Variants in KLHL5 observed in about 807,000 individuals in gnomAD.
The protein encoded by KLHL5 is kelch-like protein 5.
A neutral mutation model predicts 77.7 loss-of-function variants in KLHL5; 48 were observed. The ratio of observed to expected loss-of-function variants is 0.62; its 90% CI spans 0.49 to 0.79. The LOEUF is 0.79. Ranked by LOEUF, KLHL5 falls within the 30% of genes least tolerant of loss-of-function variation. KLHL5 has a pLI of 0.00. For missense variants in KLHL5, 723 were observed against 859.7 expected (o/e 0.84, Z 1.99); for synonymous variants, 260 against 297.0 (o/e 0.88, Z 1.28).
chr4:39,089,869 A>AC lies in KLHL5; in HGVS notation c.1113+3144dup, dbSNP rs537367130. On this transcript the variant is annotated intron_variant, in intron 5 of 10. Transcript: ENST00000504108. Reference sequence around the variant, plus strand: ...TCCTCAAGTTTGAGAACCATTATCCACCACAAGTAGTGGTGATGGAAGCCA... The same window carrying AC: ...TCCTCAAGTTTGAGAACCATTATCCACCCACAAGTAGTGGTGATGGAAGCCA... Among the ~76,000 whole-genome samples, 143 of 152,304 alleles carry AC rather than the reference A, an allele frequency of 9.4e-4. 2 individuals carry two copies. The East Asian group carries it at 0.024, about 26-fold the overall frequency.
At chr4:39,131,578 G>C (rs986653813), downstream of KLHL5, among the ~76,000 whole-genome samples, 9 of 152,050 alleles carry the variant, frequency 5.9e-5, no homozygotes, top group African/African-American at 1.9e-4. Context: ...AAATTTTCAG[G>C]ATTAAGAGGA....
In KLHL5 at chr4:39,096,775, T is replaced by G. The variant is rs1451394273; in HGVS notation, c.1197T>G (p.His399Gln). Residue 399 changes from histidine to glutamine, a missense_variant, in exon 6 of 11, where the codon CAT (histidine) becomes CAG (glutamine). By Grantham distance (24) the His-to-Gln change is conservative (BLOSUM62 0). Coordinates refer to ENST00000504108, the MANE Select transcript of KLHL5 (RefSeq NM_015990.5). Reference sequence around the variant, plus strand: ...TCATTATGGAAGCAATGAAGTACCATTTATTACCAGAGAGACGACCCATGT... The same window carrying G: ...TCATTATGGAAGCAATGAAGTACCAGTTATTACCAGAGAGACGACCCATGT... ...QKLIMEAMKY[H>Q]LLPERRPMLQ... is the part of the protein sequence containing the mutation. 5.0e-6 allele frequency: 8 copies of G among 1,613,078 alleles called. No homozygotes were observed.
chr4:39,114,291 AAG>A (rs1722675743), intron 9 of KLHL5, among the ~76,000 whole-genome samples: 1 of 152,184 alleles, frequency 6.6e-6, no homozygotes, highest in African/African-American at 2.4e-5. Context: ...TTGGAAGGGA[AAG>A]TCGGCATTCA....
At chr4:39,050,126 C>T (rs1716526528) in intron 1 of KLHL5, among the ~76,000 whole-genome samples, 1 of 151,894 alleles carries the variant, frequency 6.6e-6, no homozygotes, top group Non-Finnish European at 1.5e-5. Flanking sequence ...TAGAAAATAG[C>T]TATACTTGAG....
Position 39,062,783 on chromosome 4 carries a change from A to C in KLHL5, c.131A>C (p.Gln44Pro). The C allele has an allele frequency of 6.2e-7, 1 of 1,614,190 alleles. No individual in the cohort carries two copies. The highest frequency in any genetic ancestry group is 2.2e-5 in the East Asian group (1 of 44,874). Reference protein sequence around the residue: ...SQQGEFWNRGQTGANGGRKFL... With the variant: ...SQQGEFWNRGPTGANGGRKFL... ...CAGGGAGAATTTTGGAACCGAGGACAGACTGGAGCAAACGGTGGGAGAAAG... is the reference window on the plus strand; with the variant it reads ...CAGGGAGAATTTTGGAACCGAGGACCGACTGGAGCAAACGGTGGGAGAAAG... Residue 44 changes from glutamine (Q) to proline (P), a missense_variant, in exon 1 of 11, where the codon CAG (glutamine) becomes CCG (proline). Gln to Pro is a moderately conservative substitution (Grantham distance 76). Coordinates refer to ENST00000504108, the MANE Select transcript of KLHL5 (RefSeq NM_015990.5).
At chr4:39,072,452 T>C (rs901144119) in intron 1 of KLHL5, among the ~76,000 whole-genome samples, 4 of 152,190 alleles carry the variant, frequency 2.6e-5, no homozygotes, top group Admixed American at 6.5e-5. Flanking sequence ...CCGAGGTCTA[T>C]AGGACTCTAG....
intron 10 of KLHL5, among the ~76,000 whole-genome samples, chr4:39,118,539 T>C: frequency 6.6e-6 from 1 of 152,186 alleles, no homozygotes; most frequent in Non-Finnish European, 1.5e-5. Flanking sequence ...GTGGGTCACC[T>C]GAGGTCAGGA....
chr4:39,142,203 G>A, the KLHL5 span, among the ~76,000 whole-genome samples: 4 of 152,172 alleles, frequency 2.6e-5, no homozygotes, highest in African/African-American at 4.8e-5. Context: ...GAAAATAATT[G>A]TATTTCCCTT....
At chr4:39,050,756 G>A (rs1351872023) in intron 1 of KLHL5, among the ~76,000 whole-genome samples, 3 of 152,112 alleles carry the variant, frequency 2.0e-5, no homozygotes, top group South Asian at 2.1e-4. Context: ...CAAAGAAACC[G>A]AGGTGCCATG....
intron 1 of KLHL5, among the ~76,000 whole-genome samples, chr4:39,046,486 C>T (rs894587848): frequency 1.3e-5 from 2 of 152,170 alleles, no homozygotes; most frequent in South Asian, 2.1e-4. Flanking sequence ...CGGTGACTAA[C>T]GCTTGTGATT....
chr4:39,106,110 C>T (rs1025447088), intron 7 of KLHL5, among the ~76,000 whole-genome samples: 3 of 152,106 alleles, frequency 2.0e-5, no homozygotes, highest in African/African-American at 7.2e-5. Flanking sequence ...TCTGACTGTC[C>T]TGCATGATCT....
chr4:39,075,346 AAAAG>A (rs1194301008), intron 1 of KLHL5, among the ~76,000 whole-genome samples: 3 of 152,036 alleles, frequency 2.0e-5, no homozygotes, highest in Non-Finnish European at 2.9e-5. Flanking sequence ...AAAAAAAAAA[AAAAG>A]AAAGAAATCA....
upstream of KLHL5, chr4:39,045,019 G>T: frequency 1.0e-6 from 1 of 993,390 alleles, no homozygotes; most frequent in South Asian, 4.4e-5. Context: ...CGCCGGCCCC[G>T]GCCCCCGCCT....
intron 10 of KLHL5, among the ~76,000 whole-genome samples, chr4:39,119,410 G>T (rs546228139): frequency 6.6e-6 from 1 of 152,180 alleles, no homozygotes; most frequent in South Asian, 2.1e-4. Context: ...ACATGGTAAA[G>T]CCCTGTCTCT....
chr4:39,067,869 G>A (rs1190622858), intron 1 of KLHL5, among the ~76,000 whole-genome samples: 1 of 151,950 alleles, frequency 6.6e-6, no homozygotes, highest in Non-Finnish European at 1.5e-5. Flanking sequence ...TTTTAGTAGA[G>A]ATGGGGTTTC....
the KLHL5 span, among the ~76,000 whole-genome samples, chr4:39,140,590 T>TTGA: frequency 1.4e-4 from 22 of 152,360 alleles, no homozygotes; most frequent in Non-Finnish European, 2.6e-4. Context: ...ATTTTCAGGC[T>TTGA]TGATACATGT....
At position 39,121,846 on chromosome 4, in the gene KLHL5, T is replaced by G. The variant is rs993274049; in HGVS notation, c.*780T>G. The stretch of plus-strand genomic sequence containing the variant: ...GTTATATACCCTATAATCTTTCACC[T>G]AATTAGTATTTAATTATATGGATTT... On this transcript the variant is annotated 3_prime_UTR_variant, in exon 11 of 11. Coordinates refer to ENST00000504108, the MANE Select transcript of KLHL5 (RefSeq NM_015990.5). 1.3e-5 allele frequency: 2 copies of G among 152,648 alleles called. No homozygotes were observed. Among genetic ancestry groups the G allele is most frequent in the African/African-American group, 4.8e-5 (2 of 41,474 alleles). 9.5% of individuals were successfully genotyped at this position (152,648 alleles called of 1,614,324 possible). A position where few individuals can be genotyped will look rare whatever the true frequency, so the allele number is the denominator to read the frequency against.
chr4:39,102,063 A>C (rs1428969838), intron 6 of KLHL5, among the ~76,000 whole-genome samples: 1 of 150,814 alleles, frequency 6.6e-6, no homozygotes, highest in East Asian at 1.9e-4. Flanking sequence ...ATAAAAAATA[A>C]TAAAAACTAT....
chr4:39,084,730 A>G (rs2109396793), intron 4 of KLHL5, among the ~76,000 whole-genome samples: 1 of 152,360 alleles, frequency 6.6e-6, no homozygotes, highest in East Asian at 1.9e-4. Context: ...AATTAATGCC[A>G]TTTGAAAGTA....
Sources: gnomAD v4.1 joint callset for allele counts (sites outside exome capture counted in the v4.1 genomes callset) on GRCh38, gnomAD v4.1.1 for gene constraint, MANE v1.5 for transcripts, NCBI Gene and HGNC (gene_info 2026-07-23, HGNC 2026-07-21) for gene names.